TRIM62: variants seen among roughly 807,000 people sequenced by gnomAD.
The protein encoded by TRIM62 is E3 ubiquitin-protein ligase TRIM62.
TRIM62 carries 39 observed loss-of-function variants against 44.2 expected under a neutral mutation model. That is an observed-to-expected ratio of 0.88 (90% CI 0.68 to 1.15). The LOEUF is 1.15. Ranked by LOEUF, TRIM62 falls within the 50% of genes most tolerant of loss-of-function variation. The pLI is 0.00. For synonymous variants in TRIM62, 278 were observed against 292.3 expected (o/e 0.95, Z 0.50); for missense variants, 544 against 665.5 (o/e 0.82, Z 2.01).
Position 33,177,105 on chromosome 1 carries a change from A to G in TRIM62, c.408+3920T>C, listed in dbSNP as rs998291536. On this transcript the variant is annotated intron_variant, in intron 1 of 4. Transcript: ENST00000291416. The surrounding 1 kb of genome is among the most constrained non-coding windows in gnomAD (Gnocchi z 4.1). ...TGCATGCACAAATGCACACACATGCACACACACATGCATGTACGCATGCAC... is the reference window on the plus strand; with the variant it reads ...TGCATGCACAAATGCACACACATGCGCACACACATGCATGTACGCATGCAC... Among the ~76,000 whole-genome samples, 1 of 151,664 alleles carries G rather than the reference A, an allele frequency of 6.6e-6. No individual in the cohort carries two copies. Among genetic ancestry groups the G allele is most frequent in the Non-Finnish European group, 1.5e-5 (1 of 67,936 alleles).
At position 33,165,527 on chromosome 1, in the gene TRIM62, C is replaced by G. The variant is rs370912607; in HGVS notation, c.448G>C (p.Glu150Gln). 9 of 1,611,212 alleles carry G rather than the reference C, an allele frequency of 5.6e-6. No individual in the cohort carries two copies. The highest frequency in any genetic ancestry group is 3.3e-5 in the South Asian group (3 of 90,384). The part of the protein sequence containing the change: ...KDQLQALQDS[E>Q]REHTEALQLL... The stretch of plus-strand genomic sequence containing the variant: ...TGCAGCGCTTCGGTGTGTTCCCGCT[C>G]GCTGTCTTGAAGGGCCTGAAGTTGG... The change falls in exon 2 of 5, where the codon GAG becomes CAG. Residue 150 changes from glutamate (E) to glutamine (Q), a missense_variant. Glu to Gln is a conservative substitution (Grantham distance 29). Transcript: ENST00000291416. The surrounding 1 kb of genome is among the most constrained non-coding windows in gnomAD (Gnocchi z 4.0).
At position 33,158,368 on chromosome 1, in the gene TRIM62, C is replaced by T; in HGVS notation, c.762G>A (p.Arg254=). ...TGGTCTCATGGATTTTTCCCTTGAG[C>T]CTGGAAGGAGAGCAGGAAAGGGGGC... The part of the protein sequence containing the change: ...FLAGVASLSE[R]LKGKIHETNL... Residue 254 remains arginine (R), a splice_region_variant and synonymous_variant, in exon 4 of 5, where the codon CGG becomes CGA. Transcript: ENST00000291416. The T allele has an allele frequency of 6.2e-7, 1 of 1,613,130 alleles. No individual in the cohort carries two copies. Among genetic ancestry groups the T allele is most frequent in the Non-Finnish European group, 8.5e-7 (1 of 1,179,248 alleles).
At chr1:33,155,260 C>T (rs1482351633) in intron 4 of TRIM62, among the ~76,000 whole-genome samples, 5 of 151,732 alleles carry the variant, frequency 3.3e-5, no homozygotes, top group East Asian at 2.0e-4. Context: ...TTAGTAGAGA[C>T]GGGGTTTCAC....
rs865919806 is a variant in TRIM62 at position 33,158,457 on chromosome 1, G to A, written c.762-89C>T. The A allele has an allele frequency of 1.5e-5, 15 of 1,005,810 alleles. No homozygotes were observed. The Middle Eastern group carries it at 8.3e-4, about 56-fold the overall frequency. 62.3% of individuals were successfully genotyped at this position (1,005,810 alleles called of 1,614,324 possible). On this transcript the variant is annotated intron_variant, in intron 3 of 4. Coordinates refer to ENST00000291416, the MANE Select transcript of TRIM62 (RefSeq NM_018207.3). ...CCCGCAGCCACCTTCAGGGCAGCTG[G>A]CATAGGATGTGGTCATGAGTGAGAA...
chr1:33,180,957 C>G, intron 1 of TRIM62, 68 bp downstream of exon 1: 41 of 413,478 alleles, frequency 9.9e-5, no homozygotes, highest in Middle Eastern at 7.9e-4. Flanking sequence ...CAGCCCTGAC[C>G]CCACCCCCCG....
rs116077013 is a variant in TRIM62, at chr1:33,172,602, G to A, written c.409-7036C>T. On this transcript the variant is annotated intron_variant, in intron 1 of 4. Transcript: ENST00000291416. ...TGGGGAGGACACACCTCAGAGGGTG[G>A]GGCTGTGGAGTCTGCGCAGCCCTGA... Among the ~76,000 whole-genome samples, 713 of 152,244 alleles carry A rather than the reference G, an allele frequency of 4.7e-3. 7 individuals are homozygous for A. Among genetic ancestry groups the A allele is most frequent in the African/African-American group, 0.016 (675 of 41,518 alleles).
intron 4 of TRIM62, among the ~76,000 whole-genome samples, chr1:33,152,524 GC>G (rs762408727): frequency 1.3e-5 from 2 of 148,860 alleles, no homozygotes; most frequent in Non-Finnish European, 3.0e-5. Flanking sequence ...CCAAGATTGT[GC>G]CATTGCACTC....
At chr1:33,179,986 GTTTT>G (rs1195924607) in intron 1 of TRIM62, among the ~76,000 whole-genome samples, 1 of 152,088 alleles carries the variant, frequency 6.6e-6, no homozygotes, top group Non-Finnish European at 1.5e-5. Context: ...CAGTTCTAAT[GTTTT>G]TGTTTGTTTG....
chr1:33,165,706 AC>A lies in TRIM62; in HGVS notation c.409-141del. 1.6e-6 allele frequency: 1 copy of A among 610,292 alleles called. No individual in the cohort carries two copies. The highest frequency in any genetic ancestry group is 2.7e-6 in the Non-Finnish European group (1 of 370,520). 37.8% of individuals were successfully genotyped at this position (610,292 alleles called of 1,614,324 possible). ...ACTTGCCTCCCGTCACAGTTCAACC[AC>A]CAGCAAGTCCTGTAGAGTCTGTCTC... On this transcript the variant is annotated intron_variant, in intron 1 of 4. Coordinates refer to ENST00000291416, the MANE Select transcript of TRIM62 (RefSeq NM_018207.3). The surrounding 1 kb of genome is among the most constrained non-coding windows in gnomAD (Gnocchi z 4.0).
At chr1:33,172,242 G>T (rs534613140) in intron 1 of TRIM62, among the ~76,000 whole-genome samples, 1 of 152,188 alleles carries the variant, frequency 6.6e-6, no homozygotes, top group Non-Finnish European at 1.5e-5. Context: ...GACTCAGAAC[G>T]GGGGGAGCTT....
At chr1:33,173,457 A>G (rs999140668) in intron 1 of TRIM62, among the ~76,000 whole-genome samples, 13 of 151,982 alleles carry the variant, frequency 8.6e-5, no homozygotes, top group African/African-American at 3.1e-4. Flanking sequence ...GTGTGCATGT[A>G]TGTGCACATT....
At chr1:33,169,655 T>C (rs1334379663) in intron 1 of TRIM62, among the ~76,000 whole-genome samples, 2 of 152,236 alleles carry the variant, frequency 1.3e-5, no homozygotes, top group Non-Finnish European at 2.9e-5. Flanking sequence ...CAGTCCTAGC[T>C]CTTGGTCCAG....
intron 1 of TRIM62, among the ~76,000 whole-genome samples, chr1:33,170,880 A>G (rs1470647945): frequency 1.3e-5 from 2 of 152,184 alleles, no homozygotes; most frequent in Non-Finnish European, 2.9e-5. Flanking sequence ...AAGTGAGACA[A>G]TGGTAAGAAG....
At chr1:33,173,659 C>T (rs1645391670) in intron 1 of TRIM62, among the ~76,000 whole-genome samples, 1 of 148,840 alleles carries the variant, frequency 6.7e-6, no homozygotes, top group Non-Finnish European at 1.5e-5. Flanking sequence ...GGTTTTCTGA[C>T]CTTAAGCACA....
rs1570339722 is a variant in TRIM62 at position 33,177,688 on chromosome 1, A to G, written c.408+3337T>C. Among the ~76,000 whole-genome samples, 1 of 152,100 alleles carries G rather than the reference A, an allele frequency of 6.6e-6. No individual in the cohort carries two copies. Among genetic ancestry groups the G allele is most frequent in the South Asian group, 2.1e-4 (1 of 4,830 alleles). ...ACTTGCGGGGTGGGTGGAGTTTGCT[A>G]CTGGCATCTAATGGGTAGAGGCCAG... On this transcript the variant is annotated intron_variant, in intron 1 of 4. Transcript: ENST00000291416. This position sits in a 1 kb window ranked among gnomAD's most constrained non-coding sequence, Gnocchi z 4.1.
chr1:33,180,954 GACCCCACCCCC>G, intron 1 of TRIM62, 60 bp downstream of exon 1: 4 of 883,072 alleles, frequency 4.5e-6, no homozygotes, highest in Non-Finnish European at 6.5e-6. Flanking sequence ...GTCCAGCCCT[GACCCCACCCCC>G]CGCCCGGCCC....
At chr1:33,166,469 G>A (rs552062323) in intron 1 of TRIM62, among the ~76,000 whole-genome samples, 2 of 151,992 alleles carry the variant, frequency 1.3e-5, no homozygotes, top group East Asian at 1.9e-4. Flanking sequence ...AACATTCTCC[G>A]AGGGCTACAG....
Position 33,145,764 on chromosome 1 carries a change from T to C in TRIM62, c.*1413A>G. The C allele has an allele frequency of 2.3e-6, 1 of 438,516 alleles. No homozygotes were observed. The highest frequency in any genetic ancestry group is 4.7e-6 in the Non-Finnish European group (1 of 211,290). The allele number at this position is 438,516 out of a possible 1,614,324, so 27.2% of individuals were successfully genotyped here. The stretch of plus-strand genomic sequence containing the variant: ...ATAGAGCCAAGGGGCAGGACAACCC[T>C]AGATGTGGACTCCACCCTCTCCCGA... On this transcript the variant is annotated 3_prime_UTR_variant, in exon 5 of 5. Transcript: ENST00000291416.
rs778597632 is a variant in TRIM62, at chr1:33,165,428, C to T, written c.504+43G>A. 6.6e-6 allele frequency: 10 copies of T among 1,525,272 alleles called. No individual in the cohort carries two copies. The highest frequency in any genetic ancestry group is 2.4e-5 in the South Asian group (2 of 82,296). 94.5% of individuals were successfully genotyped at this position (1,525,272 alleles called of 1,614,324 possible). On this transcript the variant is annotated intron_variant, in intron 2 of 4. Coordinates refer to ENST00000291416, the MANE Select transcript of TRIM62 (RefSeq NM_018207.3). This position sits in a 1 kb window ranked among gnomAD's most constrained non-coding sequence, Gnocchi z 4.0. ...TGGCCCCGCCCCTCGAAGCCCTGCC[C>T]TCATCTCTGCCGGCCCCACCTCCGC...
Sources: gnomAD v4.1 joint callset for allele counts (sites outside exome capture counted in the v4.1 genomes callset) on GRCh38, gnomAD v4.1.1 for gene constraint, Gnocchi (gnomAD v3.1) non-coding constraint, MANE v1.5 for transcripts, NCBI Gene and HGNC (gene_info 2026-07-23, HGNC 2026-07-21) for gene names.